The following LRP1B variants were observed in gnomAD, a reference collection of about 807,000 sequenced individuals.
The protein encoded by LRP1B is LDL receptor related protein 1B, also known as low-density lipoprotein receptor-related protein 1B.
In LRP1B, 217 loss-of-function variants were observed where a neutral mutation model predicts 556.6. The observed-to-expected ratio is 0.39, with a 90% CI of 0.35 to 0.44. The LOEUF is 0.44. Among genes scored for constraint, LRP1B ranks in the 20% least tolerant of loss-of-function variants. The pLI, the probability that LRP1B is intolerant of heterozygous loss-of-function variation, is 1.00. For missense variants in LRP1B, 5,053 were observed against 5,620.8 expected (o/e 0.90, Z 3.23); for synonymous variants, 2,047 against 1,865.8 (o/e 1.10, Z -2.50).
intron 3 of LRP1B, among the ~76,000 whole-genome samples, chr2:141,276,151 T>C (rs561457582): frequency 6.6e-6 from 1 of 152,336 alleles, no homozygotes; most frequent in African/African-American, 2.4e-5. Flanking sequence ...AGTATTTTAT[T>C]TTTTATTTCC....
intron 6 of LRP1B, among the ~76,000 whole-genome samples, chr2:141,213,236 C>T (rs1445996537): frequency 6.7e-6 from 1 of 149,912 alleles, no homozygotes; most frequent in Non-Finnish European, 1.5e-5. Flanking sequence ...CAGACATGAG[C>T]CCCCATGCCC....
chr2:141,042,923 C>A (rs1031165245), intron 11 of LRP1B, among the ~76,000 whole-genome samples: 1 of 150,906 alleles, frequency 6.6e-6, no homozygotes, highest in East Asian at 2.0e-4. Flanking sequence ...TAAAAATCAC[C>A]GTTGGGGACT....
chr2:142,001,301 C>A (rs775916219), intron 1 of LRP1B, among the ~76,000 whole-genome samples: 1 of 152,154 alleles, frequency 6.6e-6, no homozygotes, highest in Non-Finnish European at 1.5e-5. Flanking sequence ...AAACACAGCT[C>A]CATATCTTCA....
At chr2:140,286,680 T>G (rs1683165771) in intron 84 of LRP1B, among the ~76,000 whole-genome samples, 1 of 151,882 alleles carries the variant, frequency 6.6e-6, no homozygotes, top group Admixed American at 6.6e-5. Flanking sequence ...AAAAGTTCAT[T>G]CTAAATTCAT....
At chr2:141,549,811 A>G (rs975968344) in intron 2 of LRP1B, among the ~76,000 whole-genome samples, 9 of 152,152 alleles carry the variant, frequency 5.9e-5, no homozygotes, top group African/African-American at 1.9e-4. Context: ...ACTGGCCAAC[A>G]TGGTGAAACC....
chr2:141,828,483 C>T (rs1191226856), intron 1 of LRP1B, among the ~76,000 whole-genome samples: 3 of 151,984 alleles, frequency 2.0e-5, no homozygotes, highest in Non-Finnish European at 4.4e-5. Flanking sequence ...ATAGATGTTA[C>T]GAGAATAGAT....
At chr2:140,859,477 CAT>C (rs1453988623) in intron 27 of LRP1B, among the ~76,000 whole-genome samples, 1 of 151,930 alleles carries the variant, frequency 6.6e-6, no homozygotes, top group African/African-American at 2.4e-5. Context: ...TTTCTATAGA[CAT>C]ATTTTTCTGA....
chr2:140,818,091 A>G (rs138338057), intron 31 of LRP1B, among the ~76,000 whole-genome samples: 13 of 150,702 alleles, frequency 8.6e-5, no homozygotes, highest in African/African-American at 3.1e-4. Flanking sequence ...TTCAAATGTA[A>G]TATTTTAGTA....
intron 1 of LRP1B, among the ~76,000 whole-genome samples, chr2:141,929,646 T>C (rs1700431605): frequency 6.6e-6 from 1 of 152,074 alleles, no homozygotes; most frequent in Non-Finnish European, 1.5e-5. Context: ...ATCATTTTTA[T>C]TTTGGAAGTA....
At position 141,080,407 on chromosome 2, in the gene LRP1B, G is replaced by A. The variant is rs143087490; in HGVS notation, c.1014-18134C>T. ...CTCATAGTTTTGGTTCCAGCCCTGT[G>A]AGCCTATCTTTAGCTCCTTAATATT... On this transcript the variant is annotated intron_variant, in intron 7 of 90. Transcript: ENST00000389484. 9.2e-4 allele frequency among the ~76,000 whole-genome samples: 140 copies of A among 152,212 alleles called. 1 individual carries two copies. Among genetic ancestry groups the A allele is most frequent in the Admixed American group, 3.0e-3 (46 of 15,286 alleles).
At chr2:141,553,730 A>G (rs1424137978) in intron 2 of LRP1B, among the ~76,000 whole-genome samples, 8 of 17,412 alleles carry the variant, frequency 4.6e-4, no homozygotes, top group African/African-American at 4.9e-4. Flanking sequence ...ATATCTATAT[A>G]ATATATTATA....
chr2:141,293,857 T>C (rs1686077586), intron 3 of LRP1B, among the ~76,000 whole-genome samples: 1 of 152,122 alleles, frequency 6.6e-6, no homozygotes, highest in South Asian at 2.1e-4. Context: ...ATGTTACTCA[T>C]ATCAAAAATT....
In LRP1B at chr2:140,812,378, CTCTT is replaced by C. The variant is rs202109917; in HGVS notation, c.5359+1275_5359+1278del. 8.3e-3 allele frequency among the ~76,000 whole-genome samples: 1,268 copies of C among 152,108 alleles called. 46 individuals carry two copies. In the East Asian group the frequency reaches 0.085, roughly 10 times the overall value. ...AACACTTAAGGTTTGTTAAAACAAT[CTCTT>C]TCCTTCACAAGAGAGAGGAAGACTC... is the stretch of plus-strand genomic sequence containing the variant. On this transcript the variant is annotated intron_variant, in intron 32 of 90. Transcript: ENST00000389484.
At position 140,357,980 on chromosome 2, in the gene LRP1B, TATTC is replaced by T; in HGVS notation, c.11390_11393del (p.Arg3797LysfsTer12). ...TTGCTTAACAGAAAACAAGCTCACC[TATTC>T]TGCATCCTTGCTCATCTGAACCATC... On this transcript the variant is annotated frameshift_variant and splice_region_variant, in exon 74 of 91. Transcript: ENST00000389484. LOFTEE classifies it high-confidence loss of function. 6.2e-7 allele frequency: 1 copy of T among 1,609,078 alleles called. No individual in the cohort carries two copies. Among genetic ancestry groups the T allele is most frequent in the Non-Finnish European group, 8.5e-7 (1 of 1,176,592 alleles).
At chr2:140,515,436 A>G (rs774497344) in intron 50 of LRP1B, among the ~76,000 whole-genome samples, 1 of 151,898 alleles carries the variant, frequency 6.6e-6, no homozygotes, top group Non-Finnish European at 1.5e-5. Context: ...TCCAAAGCCA[A>G]TTTTGTTATT....
chr2:140,698,789 T>C (rs1471597474), intron 41 of LRP1B, among the ~76,000 whole-genome samples: 1 of 152,090 alleles, frequency 6.6e-6, no homozygotes, highest in Non-Finnish European at 1.5e-5. Context: ...TCTATTACAT[T>C]AAAATTCATT....
intron 41 of LRP1B, among the ~76,000 whole-genome samples, chr2:140,676,179 T>G (rs1439648829): frequency 6.6e-6 from 1 of 152,180 alleles, no homozygotes; most frequent in Non-Finnish European, 1.5e-5. Flanking sequence ...TATAAAAAAT[T>G]TTCTTGACCT....
chr2:141,535,848 C>T (rs1324632231), intron 2 of LRP1B, among the ~76,000 whole-genome samples: 1 of 152,042 alleles, frequency 6.6e-6, no homozygotes, highest in Admixed American at 6.6e-5. Flanking sequence ...TTAAGAAACC[C>T]CCTTTACCTG....
chr2:141,249,035 A>T (rs1027465974), intron 4 of LRP1B, among the ~76,000 whole-genome samples: 3 of 152,148 alleles, frequency 2.0e-5, no homozygotes, highest in Non-Finnish European at 4.4e-5. Context: ...TGGCTCTATC[A>T]TGGGAGGAGA....
Sources: allele counts gnomAD v4.1 joint callset (sites outside exome capture counted in the v4.1 genomes callset), GRCh38; gene constraint gnomAD v4.1.1; transcripts MANE v1.5; gene names NCBI Gene and HGNC (gene_info 2026-07-23, HGNC 2026-07-21).